MACF1: variants seen among roughly 807,000 people sequenced by gnomAD.
MACF1 encodes microtubule-actin cross-linking factor 1.
MACF1 carries 193 observed loss-of-function variants against 854.8 expected under a neutral mutation model. The ratio of observed to expected loss-of-function variants is 0.23; its 90% CI spans 0.20 to 0.25. MACF1 has a LOEUF of 0.25. Among genes scored for constraint, MACF1 ranks in the 10% least tolerant of loss-of-function variants. The pLI, the probability that MACF1 is intolerant of heterozygous loss-of-function variation, is 1.00. For missense variants in MACF1, 7,722 were observed against 8,929.1 expected, an observed-to-expected ratio of 0.86 and a Z score of 5.45; for synonymous variants, 3,185 against 3,226.7, an observed-to-expected ratio of 0.99 and a Z score of 0.44.
chr1:39,245,977 T>G (rs1427081569), intron 2 of MACF1, among the ~76,000 whole-genome samples: 1 of 152,238 alleles, frequency 6.6e-6, no homozygotes, highest in Non-Finnish European at 1.5e-5. Flanking sequence ...CTTACTTATT[T>G]GTAGGAAAGT....
intron 58 of MACF1, chr1:39,412,103 A>G: frequency 1.2e-6 from 2 of 1,614,008 alleles, no homozygotes; most frequent in Non-Finnish European, 1.7e-6. Context: ...GTTTCTCATG[A>G]AGAAAAATTA....
In MACF1 at chr1:39,353,192, A is replaced by G. The variant is rs756344838; in HGVS notation, c.11385A>G (p.Gln3795=). The G allele has an allele frequency of 1.2e-6, 2 of 1,609,504 alleles. No individual in the cohort carries two copies. Among genetic ancestry groups the G allele is most frequent in the African/African-American group, 2.7e-5 (2 of 74,842 alleles). ...DTTDGYMGVN[Q]APEKLDKQCE... ...CTGATGGTTACATGGGGGTGAATCA[A>G]GCCCCAGAGAAACTGGACAAGCAAT... Residue 3795 remains glutamine (Q), a synonymous_variant, in exon 44 of 101, where the codon CAA becomes CAG. Transcript: ENST00000564288.
At position 39,310,942 on chromosome 1, in the gene MACF1, G is replaced by A; in HGVS notation, c.3212G>A (p.Ser1071Asn). ...GTCAAACGAATTCAGTCTCTAGCCA[G>A]CTCTAGGACTGACAGAGATGCCTGG... Reference protein sequence around the residue: ...RVVKRIQSLASSRTDRDAWQD... With the variant: ...RVVKRIQSLANSRTDRDAWQD... Residue 1071 changes from serine to asparagine, a missense_variant, in exon 26 of 101, where the codon AGC becomes AAC. By Grantham distance (46) the Ser-to-Asn change is conservative. Transcript: ENST00000564288. 6.2e-7 allele frequency: 1 copy of A among 1,614,202 alleles called. No homozygotes were observed. The highest frequency in any genetic ancestry group is 8.5e-7 in the Non-Finnish European group (1 of 1,180,026).
chr1:39,208,770 G>T (rs113623989), intron 1 of MACF1, among the ~76,000 whole-genome samples: 1 of 151,942 alleles, frequency 6.6e-6, no homozygotes, highest in Admixed American at 6.6e-5. Flanking sequence ...GATTACAGGC[G>T]CACGCCACCA....
chr1:39,245,245 G>A (rs1644969843), intron 2 of MACF1, among the ~76,000 whole-genome samples: 1 of 152,086 alleles, frequency 6.6e-6, no homozygotes, highest in Admixed American at 6.6e-5. Context: ...AATATCTGTT[G>A]ATAAGATGAC....
At chr1:39,310,545 G>A (rs1646279327) in intron 25 of MACF1, 117 bp downstream of exon 25, 1 of 1,115,740 alleles carries the variant, frequency 9.0e-7, no homozygotes, top group African/African-American at 1.6e-5. Flanking sequence ...CATTTGAGTA[G>A]CTACGAACTT....
chr1:39,440,980 A>G (rs754779162), intron 72 of MACF1, 23 bp from the exon 73 acceptor site: 11 of 1,613,856 alleles, frequency 6.8e-6, no homozygotes, highest in South Asian at 1.1e-5. Flanking sequence ...ATTTTGGCTT[A>G]TATTCTATTC....
At chr1:39,088,250 G>A (rs260967) in intron 2 of MACF1, among the ~76,000 whole-genome samples, 49,917 of 151,958 alleles carry the variant, frequency 0.33, 9,323 homozygotes, top group South Asian at 0.64. Context: ...GGGATTATAG[G>A]TGTGAGCCAC....
At chr1:39,471,976 A>G (rs778734973) in intron 97 of MACF1, among the ~76,000 whole-genome samples, 3 of 152,166 alleles carry the variant, frequency 2.0e-5, no homozygotes, top group Non-Finnish European at 2.9e-5. Context: ...CCATTAAACA[A>G]TAGCTTAGAA....
chr1:39,285,500 C>CG, intron 13 of MACF1, 104 bp from the exon 14 acceptor site: 1 of 1,317,212 alleles, frequency 7.6e-7, no homozygotes, highest in Middle Eastern at 2.2e-4. Flanking sequence ...TATTATTTCC[C>CG]TTTTTTTTTT....
chr1:39,306,048 A>AT (rs1646167643), intron 23 of MACF1, among the ~76,000 whole-genome samples: 1 of 152,222 alleles, frequency 6.6e-6, no homozygotes, highest in Non-Finnish European at 1.5e-5. Flanking sequence ...TAGCACTTAG[A>AT]ACCATTCCTA....
intron 2 of MACF1, among the ~76,000 whole-genome samples, chr1:39,233,201 A>T (rs990459292): frequency 6.6e-6 from 1 of 151,968 alleles, no homozygotes; most frequent in Non-Finnish European, 1.5e-5. Flanking sequence ...CGCCCGGCTA[A>T]TTTTGTACTT....
rs1491492656 is a variant in MACF1 at position 39,434,385 on chromosome 1, CCT to C, written c.17566-28_17566-27del. ...AAGAGTTTATAATAGTAATACTTAT[CCT>C]TTTTTTTTTTTTTTTTGCTCACATA... On this transcript the variant is annotated intron_variant, in intron 68 of 100. Transcript: ENST00000564288. 2.7e-4 allele frequency: 304 copies of C among 1,134,690 alleles called. 1 individual carries two copies. The African/African-American group carries it at 4.8e-3, about 18-fold the overall frequency. The allele number at this position is 1,134,690 out of a possible 1,614,324, so 70.3% of individuals were successfully genotyped here.
intron 6 of MACF1, among the ~76,000 whole-genome samples, chr1:39,272,246 G>A (rs1205235716): frequency 1.3e-5 from 2 of 152,224 alleles, no homozygotes; most frequent in South Asian, 2.1e-4. Flanking sequence ...TTAAGGCCAA[G>A]AGGCTGCAAC....
rs188918325 is a variant in MACF1 at position 39,337,900 on chromosome 1, G to A, written c.10215+569G>A. Among the ~76,000 whole-genome samples the A allele has an allele frequency of 6.8e-3, 1,038 of 152,044 alleles. 1 individual carries two copies. The highest frequency in any genetic ancestry group is 0.01 in the Middle Eastern group (3 of 294). The stretch of plus-strand genomic sequence containing the variant: ...TTCTCCTGCCTCAGCCTCCCGAGTA[G>A]CTGGGACTACAGGCGCCTGCCGCCA... On this transcript the variant is annotated intron_variant, in intron 38 of 100. Transcript: ENST00000564288.
chr1:39,288,714 T>A (rs1645704621), intron 15 of MACF1, among the ~76,000 whole-genome samples: 1 of 151,818 alleles, frequency 6.6e-6, no homozygotes. Flanking sequence ...TCACTTGAGC[T>A]TGGGAGGCAG....
At chr1:39,156,863 A>T (rs1643698989) in intron 2 of MACF1, among the ~76,000 whole-genome samples, 2 of 152,018 alleles carry the variant, frequency 1.3e-5, no homozygotes, top group South Asian at 2.1e-4. Flanking sequence ...AACTCCTAAT[A>T]CTCACATCTG....
intron 2 of MACF1, among the ~76,000 whole-genome samples, chr1:39,148,456 G>T (rs1489252122): frequency 6.6e-6 from 1 of 152,060 alleles, no homozygotes; most frequent in Non-Finnish European, 1.5e-5. Context: ...TAAAATTAAA[G>T]TGACCAAAAA....
At chr1:39,171,014 C>T (rs902776341) in intron 2 of MACF1, among the ~76,000 whole-genome samples, 3 of 152,140 alleles carry the variant, frequency 2.0e-5, no homozygotes, top group Non-Finnish European at 4.4e-5. Context: ...ACTTGGTAGG[C>T]ACTTGTTTGC....
Sources: allele counts gnomAD v4.1 joint callset (sites outside exome capture counted in the v4.1 genomes callset), GRCh38; gene constraint gnomAD v4.1.1; transcripts MANE v1.5; gene names NCBI Gene and HGNC (gene_info 2026-07-23, HGNC 2026-07-21).